EPB41L5: variants seen among roughly 807,000 people sequenced by gnomAD.
The protein encoded by EPB41L5 is band 4.1-like protein 5.
In EPB41L5, 55 loss-of-function variants were observed where a neutral mutation model predicts 106.6. The ratio of observed to expected loss-of-function variants is 0.52; its 90% CI spans 0.42 to 0.65. The LOEUF (loss-of-function observed/expected upper bound fraction) is 0.65. Ranked by LOEUF, EPB41L5 falls within the 30% of genes least tolerant of loss-of-function variation. EPB41L5 has a pLI of 0.00. For missense variants in EPB41L5, 871 were observed against 882.1 expected, an observed-to-expected ratio of 0.99 and a Z score of 0.16; for synonymous variants, 297 against 306.7, an observed-to-expected ratio of 0.97 and a Z score of 0.33.
At chr2:120,105,565 T>G in intron 16 of EPB41L5, 1 of 985,288 alleles carries the variant, frequency 1.0e-6, no homozygotes, top group Non-Finnish European at 1.2e-6. Context: ...GACTAATATT[T>G]AAAGAATGAA....
rs528457723 is a variant in EPB41L5, at chr2:120,121,101, G to A, written c.1338-6587G>A. Among the ~76,000 whole-genome samples the A allele has an allele frequency of 5.3e-5, 8 of 152,282 alleles. No individual in the cohort carries two copies. The South Asian group carries it at 1.7e-3, about 32-fold the overall frequency. ...CACTGCACTCCAGCCTGGGCAATAA[G>A]AGCAAAACTCCATCTAAAACATCTG... On this transcript the variant is annotated intron_variant, in intron 16 of 24. Transcript: ENST00000263713.
At chr2:120,117,885 T>C (rs1055723680) in intron 16 of EPB41L5, among the ~76,000 whole-genome samples, 5 of 152,220 alleles carry the variant, frequency 3.3e-5, no homozygotes, top group African/African-American at 1.2e-4. Flanking sequence ...TGTTGGCCTT[T>C]TTCTTCTCTA....
intron 18 of EPB41L5, among the ~76,000 whole-genome samples, chr2:120,135,927 C>T (rs1685905176): frequency 6.6e-6 from 1 of 151,950 alleles, no homozygotes; most frequent in African/African-American, 2.4e-5. Context: ...ATGGTATGTA[C>T]ACTAACAAAT....
chr2:120,158,249 A>AAGCC (rs1686985657), intron 20 of EPB41L5, among the ~76,000 whole-genome samples: 1 of 152,236 alleles, frequency 6.6e-6, no homozygotes, highest in African/African-American at 2.4e-5. Context: ...TCATTCTGTG[A>AAGCC]AGCCAGCATC....
chr2:120,073,265 T>G, intron 4 of EPB41L5, 45 bp downstream of exon 4: 5 of 1,436,656 alleles, frequency 3.5e-6, no homozygotes, highest in East Asian at 2.3e-5. Context: ...GGAAATAGAA[T>G]ATATTAGAAA....
intron 16 of EPB41L5, among the ~76,000 whole-genome samples, chr2:120,115,481 TG>T (rs1247609476): frequency 6.6e-6 from 1 of 152,150 alleles, no homozygotes; most frequent in Non-Finnish European, 1.5e-5. Context: ...CTCGGCTCAC[TG>T]CAACCTCCAC....
chr2:120,065,284 T>TA lies in EPB41L5; in HGVS notation c.286-7885dup, dbSNP rs1388464965. Among the ~76,000 whole-genome samples, 6 of 151,558 alleles carry TA rather than the reference T, an allele frequency of 4.0e-5. No individual in the cohort carries two copies. In the East Asian group the frequency reaches 7.8e-4, roughly 20 times the overall value. On this transcript the variant is annotated intron_variant, in intron 3 of 24. Transcript: ENST00000263713. Reference sequence around the variant, plus strand: ...GCATATGCCACCATGCTCAGCTAATTAAAAAAAAATTTTTTTTTTTGGAGA... The same window carrying TA: ...GCATATGCCACCATGCTCAGCTAATTAAAAAAAAAATTTTTTTTTTTGGAGA...
chr2:120,131,391 G>A (rs886982487), intron 17 of EPB41L5, among the ~76,000 whole-genome samples: 1 of 152,136 alleles, frequency 6.6e-6, no homozygotes, highest in Admixed American at 6.5e-5. Flanking sequence ...TTTTAGGAGT[G>A]CTGCAGATAT....
intron 3 of EPB41L5, among the ~76,000 whole-genome samples, chr2:120,062,600 TTTATC>T (rs1367500018): frequency 6.6e-6 from 1 of 152,224 alleles, no homozygotes; most frequent in Non-Finnish European, 1.5e-5. Flanking sequence ...TATGTTTTCT[TTTATC>T]TAGATAGTGT....
At chr2:120,091,494 T>C (rs1683407985) in intron 12 of EPB41L5, 61 bp from the exon 13 acceptor site, 3 of 1,149,020 alleles carry the variant, frequency 2.6e-6, no homozygotes, top group African/African-American at 1.5e-5. Flanking sequence ...GACTGTCTTA[T>C]TTGTGTGTGT....
intron 21 of EPB41L5, among the ~76,000 whole-genome samples, chr2:120,163,272 C>CCCCAA (rs1553515959): frequency 9.4e-6 from 1 of 106,080 alleles, no homozygotes; most frequent in Non-Finnish European, 1.9e-5. Flanking sequence ...CCCCCCCCCC[C>CCCCAA]AAAAAAAGAA....
At chr2:120,066,340 T>A (rs1558841223) in intron 3 of EPB41L5, among the ~76,000 whole-genome samples, 1 of 152,174 alleles carries the variant, frequency 6.6e-6, no homozygotes, top group Non-Finnish European at 1.5e-5. Flanking sequence ...TCTCTGTGAA[T>A]GAAAATATGT....
At chr2:120,104,148 TAC>T (rs1684314088) in intron 16 of EPB41L5, 1 of 1,536,080 alleles carries the variant, frequency 6.5e-7, no homozygotes, top group Non-Finnish European at 8.7e-7. Context: ...ACATAGAAAC[TAC>T]ACTGACTTTG....
intron 1 of EPB41L5, among the ~76,000 whole-genome samples, chr2:120,016,155 C>A (rs944742947): frequency 6.6e-6 from 1 of 152,050 alleles, no homozygotes; most frequent in East Asian, 1.9e-4. Context: ...ATTGGTCCGG[C>A]GAGGTGGCTT....
intron 19 of EPB41L5, among the ~76,000 whole-genome samples, chr2:120,143,432 A>G (rs1476201009): frequency 2.0e-5 from 3 of 152,232 alleles, no homozygotes; most frequent in Non-Finnish European, 2.9e-5. Flanking sequence ...CCCACAACCC[A>G]TCTACCCTCA....
intron 24 of EPB41L5, among the ~76,000 whole-genome samples, chr2:120,169,186 G>GGTCTGGAAACAAACTGGTTT (rs1687554829): frequency 6.6e-6 from 1 of 152,188 alleles, no homozygotes; most frequent in Non-Finnish European, 1.5e-5. Context: ...AAACTCATAT[G>GGTCTGGAAACAAACTGGTTT]TAATACAGTT....
At chr2:120,171,107 C>T (rs965167978) in intron 24 of EPB41L5, among the ~76,000 whole-genome samples, 10 of 152,178 alleles carry the variant, frequency 6.6e-5, no homozygotes, top group African/African-American at 2.2e-4. Flanking sequence ...GGCATCAAAT[C>T]ATGAGGACAA....
chr2:120,056,300 A>G lies in EPB41L5; in HGVS notation c.285+14190A>G, dbSNP rs568581664. 5.4e-4 allele frequency among the ~76,000 whole-genome samples: 81 copies of G among 150,484 alleles called. No individual in the cohort carries two copies. In the South Asian group the frequency reaches 8.6e-3, roughly 16 times the overall value. On this transcript the variant is annotated intron_variant, in intron 3 of 24. Transcript: ENST00000263713. Reference sequence around the variant, plus strand: ...GATAAATCCCACTTAGTCATGGTTTATAGTCTTTTTTTTTTTTGAGATGGA... The same window carrying G: ...GATAAATCCCACTTAGTCATGGTTTGTAGTCTTTTTTTTTTTTGAGATGGA...
intron 20 of EPB41L5, among the ~76,000 whole-genome samples, chr2:120,153,424 T>C (rs1210399908): frequency 6.6e-6 from 1 of 152,140 alleles, no homozygotes; most frequent in African/African-American, 2.4e-5. Context: ...AGAGAATGTT[T>C]TGTATGTTCT....
Sources: gnomAD v4.1 joint callset for allele counts (sites outside exome capture counted in the v4.1 genomes callset) on GRCh38, gnomAD v4.1.1 for gene constraint, MANE v1.5 for transcripts, NCBI Gene and HGNC (gene_info 2026-07-23, HGNC 2026-07-21) for gene names.